Variants in DIAPH2 observed in about 807,000 individuals in gnomAD.
The protein encoded by DIAPH2 is protein diaphanous homolog 2.
In DIAPH2, 35 loss-of-function variants were observed where a neutral mutation model predicts 92.7. The observed-to-expected ratio is 0.38, with a 90% CI of 0.29 to 0.50. The LOEUF (loss-of-function observed/expected upper bound fraction) is 0.50, where lower values mean the gene tolerates loss of function less well. DIAPH2 is among the 20% of genes least tolerant of loss of function. The pLI is 0.94. For synonymous variants in DIAPH2, 301 were observed against 280.4 expected (o/e 1.07, Z -0.73); for missense variants, 701 against 819.5 (o/e 0.86, Z 1.77).
chrX:97,306,734 C>T (rs1183168838), intron 23 of DIAPH2, among the ~76,000 whole-genome samples: 1 of 111,865 alleles, frequency 8.9e-6, no homozygotes, highest in Admixed American at 9.6e-5. Flanking sequence ...AAATTCATTT[C>T]CTCGTGAGTA....
intron 24 of DIAPH2, among the ~76,000 whole-genome samples, chrX:97,363,380 G>T (rs1227217111): frequency 9.0e-6 from 1 of 110,712 alleles, no homozygotes; most frequent in Non-Finnish European, 1.9e-5. Flanking sequence ...AACTAGGCCA[G>T]GCGCAGTGGC....
chrX:96,896,454 C>T (rs2065345285), intron 5 of DIAPH2, among the ~76,000 whole-genome samples: 2 of 111,759 alleles, frequency 1.8e-5, no homozygotes, highest in African/African-American at 3.2e-5. Context: ...TAAGATAAGT[C>T]ACTAACCTTC....
chrX:97,568,213 A>C (rs1303282961), intron 26 of DIAPH2, among the ~76,000 whole-genome samples: 2 of 110,035 alleles, frequency 1.8e-5, no homozygotes, highest in Non-Finnish European at 1.9e-5. Flanking sequence ...AACATGAAGC[A>C]AGATTTTCTA....
chrX:97,323,593 G>GAAAA (rs1199744995), intron 23 of DIAPH2, among the ~76,000 whole-genome samples: 2 of 23,252 alleles, frequency 8.6e-5, no homozygotes, highest in Non-Finnish European at 1.5e-4. Context: ...TCCGTCTCAA[G>GAAAA]AAAAAAAAAA....
intron 1 of DIAPH2, among the ~76,000 whole-genome samples, chrX:96,731,788 C>T (rs1055608761): frequency 1.8e-5 from 2 of 111,214 alleles, no homozygotes; most frequent in African/African-American, 6.5e-5. Flanking sequence ...TATAGCTGAT[C>T]ATAAATGAAG....
chrX:97,122,257 T>C (rs1418980178), intron 21 of DIAPH2, among the ~76,000 whole-genome samples: 1 of 111,647 alleles, frequency 9.0e-6, no homozygotes, highest in Non-Finnish European at 1.9e-5. Flanking sequence ...GGCCTATCAA[T>C]AGGAAGTTTC....
At chrX:97,402,744 C>G (rs1303826486) in intron 25 of DIAPH2, among the ~76,000 whole-genome samples, 1 of 112,013 alleles carries the variant, frequency 8.9e-6, no homozygotes, top group Non-Finnish European at 1.9e-5. Flanking sequence ...GTTAGTGCAG[C>G]CTCTAACGGA....
At chrX:97,239,834 A>C (rs866823448) in intron 22 of DIAPH2, among the ~76,000 whole-genome samples, 1 of 98,133 alleles carries the variant, frequency 1.0e-5, no homozygotes, top group Admixed American at 1.1e-4. Context: ...TCTAGTAAAA[A>C]TCTCTCTCTC....
intron 26 of DIAPH2, among the ~76,000 whole-genome samples, chrX:97,441,582 C>T (rs2070258867): frequency 8.9e-6 from 1 of 111,917 alleles, no homozygotes; most frequent in South Asian, 3.7e-4. Flanking sequence ...CTTTCGGAGG[C>T]TGAGGCAGGC....
chrX:96,949,242 C>A (rs949899060), intron 15 of DIAPH2, among the ~76,000 whole-genome samples: 52 of 111,037 alleles, frequency 4.7e-4, no homozygotes, highest in African/African-American at 1.5e-3. Context: ...ATTAGTTGCT[C>A]AAATGGCCCT....
At chrX:97,421,320 G>A (rs1185878009) in intron 25 of DIAPH2, among the ~76,000 whole-genome samples, 5 of 111,758 alleles carry the variant, frequency 4.5e-5, no homozygotes, top group Middle Eastern at 4.6e-3. Flanking sequence ...TTTGTCAGCC[G>A]TGGGCCTTCA....
rs1177466563 is a variant in DIAPH2 at position 97,602,115 on chromosome X, A to T, written c.*2798A>T. The stretch of plus-strand genomic sequence containing the variant: ...AGGCCCCCTTCTCCAAATAAGATAA[A>T]TTCATGGTTTTGGGGATTAGGATGT... On this transcript the variant is annotated 3_prime_UTR_variant, in exon 27 of 27. Transcript: ENST00000324765. 1 of 112,112 alleles carries T rather than the reference A, an allele frequency of 8.9e-6. No individual in the cohort carries two copies. The highest frequency in any genetic ancestry group is 2.8e-4 in the East Asian group (1 of 3,573). The allele number at this position is 112,112 out of a possible 1,213,427, so 9.2% of individuals were successfully genotyped here. A position where few individuals can be genotyped will look rare whatever the true frequency, so the allele number is the denominator to read the frequency against.
At chrX:97,273,069 C>T (rs1044773246) in intron 23 of DIAPH2, among the ~76,000 whole-genome samples, 1 of 111,829 alleles carries the variant, frequency 8.9e-6, no homozygotes, top group African/African-American at 3.3e-5. Context: ...GAAGGAGAAT[C>T]GCTCAAACCC....
In DIAPH2 at chrX:96,945,619, C is replaced by A. The variant is rs370436465; in HGVS notation, c.1509+28C>A. The A allele has an allele frequency of 5.9e-6, 6 of 1,019,288 alleles. No individual in the cohort carries two copies. The East Asian group carries it at 2.1e-4, about 36-fold the overall frequency. 84.0% of individuals were successfully genotyped at this position (1,019,288 alleles called of 1,213,427 possible). ...AAGCTTATAAAATATTAGCCATAAT[C>A]GTTAGGTTAATAATTTAATCACAGT... On this transcript the variant is annotated intron_variant, in intron 14 of 26. Transcript: ENST00000324765.
At chrX:97,378,289 G>A (rs765187420) in intron 24 of DIAPH2, among the ~76,000 whole-genome samples, 2 of 109,691 alleles carry the variant, frequency 1.8e-5, no homozygotes, top group Admixed American at 1.9e-4. Flanking sequence ...AGGCTGAGGT[G>A]GGAGAATCGC....
At chrX:97,332,266 T>A (rs897567660) in intron 23 of DIAPH2, among the ~76,000 whole-genome samples, 5 of 112,055 alleles carry the variant, frequency 4.5e-5, no homozygotes, top group Non-Finnish European at 9.4e-5. Context: ...TCAAATTGCT[T>A]TATTTTGTAT....
intron 4 of DIAPH2, among the ~76,000 whole-genome samples, chrX:96,823,564 A>AT (rs2064792542): frequency 9.0e-6 from 1 of 111,047 alleles, no homozygotes; most frequent in Admixed American, 9.6e-5. Context: ...AATTATGGTG[A>AT]TTTTTAAATT....
chrX:97,543,706 A>G (rs886387103), intron 26 of DIAPH2, among the ~76,000 whole-genome samples: 14 of 109,712 alleles, frequency 1.3e-4, no homozygotes, highest in Admixed American at 5.8e-4. Flanking sequence ...GGGTTTCACT[A>G]TGTTGGCCAC....
intron 23 of DIAPH2, among the ~76,000 whole-genome samples, chrX:97,299,190 G>A (rs948977749): frequency 1.8e-5 from 2 of 111,963 alleles, no homozygotes; most frequent in East Asian, 2.8e-4. Context: ...AAGACATAAA[G>A]AGTACAGCAT....
Sources: allele counts gnomAD v4.1 joint callset (sites outside exome capture counted in the v4.1 genomes callset), GRCh38; gene constraint gnomAD v4.1.1; transcripts MANE v1.5; gene names NCBI Gene and HGNC (gene_info 2026-07-23, HGNC 2026-07-21).